The following STAR variants were observed in gnomAD, a reference collection of about 807,000 sequenced individuals.
The protein encoded by STAR is steroidogenic acute regulatory protein, mitochondrial.
In STAR, 32 loss-of-function variants were observed where a neutral mutation model predicts 32.3. That is an observed-to-expected ratio of 0.99 (90% CI 0.75 to 1.33). STAR has a LOEUF of 1.33. Ranked by LOEUF, STAR falls within the 40% of genes most tolerant of loss-of-function variation. The probability of loss-of-function intolerance (pLI) is 0.00; values close to 1 mark genes in which losing one functional copy is unlikely to be tolerated. For synonymous variants in STAR, 134 were observed against 140.5 expected (o/e 0.95, Z 0.33); for missense variants, 375 against 379.0 (o/e 0.99, Z 0.09).
chr8:38,145,069 G>A (rs2130612282), intron 6 of STAR, 153 bp downstream of exon 6: 1 of 1,504,710 alleles, frequency 6.6e-7, no homozygotes, highest in Admixed American at 2.0e-5. Context: ...TGGTAGAGTA[G>A]CAGTTAGGCC....
At position 38,148,248 on chromosome 8, in the gene STAR, G is replaced by A. The variant is rs2130616749; in HGVS notation, c.258C>T (p.Ala86=). The A allele has an allele frequency of 1.2e-6, 2 of 1,614,084 alleles. No individual in the cohort carries two copies. Among genetic ancestry groups the A allele is most frequent in the Non-Finnish European group, 8.5e-7 (1 of 1,180,002 alleles). The change falls in exon 3 of 7, where the codon GCC becomes GCT. Residue 86 remains alanine, a synonymous_variant. Transcript: ENST00000276449. ...CCTCTTGGTTGCTAAGGATGCCCAAGGCCTTCTGCATGGCCTCCTCCCCCT... is the reference window on the plus strand; with the variant it reads ...CCTCTTGGTTGCTAAGGATGCCCAAAGCCTTCTGCATGGCCTCCTCCCCCT... ...LQQGEEAMQK[A]LGILSNQEGW... is the part of the protein sequence containing the mutation.
chr8:38,145,291 C>T lies in STAR; in HGVS notation c.675G>A (p.Met225Ile). 6.2e-7 allele frequency: 1 copy of T among 1,614,150 alleles called. No individual in the cohort carries two copies. Among genetic ancestry groups the T allele is most frequent in the Non-Finnish European group, 8.5e-7 (1 of 1,180,032 alleles). The change falls in exon 6 of 7, where the codon ATG (methionine) becomes ATA (isoleucine). Residue 225 changes from methionine to isoleucine, a missense_variant. Transcript: ENST00000276449. ...VIRAEHGPTC[M>I]VLHPLAGSPS... ...GACTTCCAGCCAACGGGTGAAGCAC[C>T]ATGCAAGTGGGACCGTGCTCCGCCC...
chr8:38,150,725 C>T (rs1281212568), intron 1 of STAR, 30 bp downstream of exon 1: 1 of 1,604,548 alleles, frequency 6.2e-7, no homozygotes, highest in African/African-American at 1.3e-5. Flanking sequence ...GCTGGCCAAC[C>T]CCTCATCGCC....
At position 38,145,251 on chromosome 8, in the gene STAR, GT is replaced by G. The variant is rs1417088430; in HGVS notation, c.714del (p.Lys238AsnfsTer83). 1.2e-6 allele frequency: 2 copies of G among 1,614,180 alleles called. No individual in the cohort carries two copies. Among genetic ancestry groups the G allele is most frequent in the East Asian group, 4.5e-5 (2 of 44,874 alleles). ...HPLAGSPSKT[K>X]LTWLLSIDLK... is the part of the protein sequence containing the mutation. The stretch of plus-strand genomic sequence containing the variant: ...AGGTCGATGCTGAGTAGCCACGTAA[GT>G]TTGGTCTTAGAGGGACTTCCAGCCA... On this transcript the variant is annotated frameshift_variant, in exon 6 of 7. Coordinates refer to ENST00000276449, the MANE Select transcript of STAR (RefSeq NM_000349.3). LOFTEE classifies it high-confidence loss of function.
Position 38,142,723 on chromosome 8 carries a change from T to TCTACTAAAAATACAAAATGAGAAACC in STAR, c.*1549_*1550insGGTTTCTCATTTTGTATTTTTAGTAG, listed in dbSNP as rs1291276330. ...TTGTATTTTTAGTAGAGATGGGGTTTCTCCATGTTAGTCAGGCTGGTCTCC... is the reference window on the plus strand; with the variant it reads ...TTGTATTTTTAGTAGAGATGGGGTTTCTACTAAAAATACAAAATGAGAAACCCTCCATGTTAGTCAGGCTGGTCTCC... On this transcript the variant is annotated 3_prime_UTR_variant, in exon 7 of 7. Coordinates refer to ENST00000276449, the MANE Select transcript of STAR (RefSeq NM_000349.3). Among the ~76,000 whole-genome samples the TCTACTAAAAATACAAAATGAGAAACC allele has an allele frequency of 8.6e-5, 13 of 151,936 alleles. No homozygotes were observed. The East Asian group carries it at 2.5e-3, about 29-fold the overall frequency.
intron 3 of STAR, 73 bp downstream of exon 3, chr8:38,148,127 A>C (rs1453945417): frequency 1.9e-6 from 3 of 1,605,110 alleles, no homozygotes; most frequent in Non-Finnish European, 2.6e-6. Flanking sequence ...TTCTGGGAAA[A>C]ATAGTAACCC....
chr8:38,149,092 A>T (rs1229408322), intron 1 of STAR: 1 of 354,350 alleles, frequency 2.8e-6, no homozygotes, highest in Non-Finnish European at 5.5e-6. Context: ...AGGAGAATAC[A>T]ACTCCTGAGG....
rs773617644 is a variant in STAR, at chr8:38,145,262, G to C, written c.704C>G (p.Ser235Cys). Residue 235 changes from serine to cysteine, a missense_variant, in exon 6 of 7, where the codon TCT becomes TGT. Coordinates refer to ENST00000276449, the MANE Select transcript of STAR (RefSeq NM_000349.3). ...GAGTAGCCACGTAAGTTTGGTCTTA[G>C]AGGGACTTCCAGCCAACGGGTGAAG... Reference protein sequence around the residue: ...MVLHPLAGSPSKTKLTWLLSI... With the variant: ...MVLHPLAGSPCKTKLTWLLSI... The C allele has an allele frequency of 2.5e-6, 4 of 1,614,066 alleles. No homozygotes were observed. In the African/African-American group the frequency reaches 4.0e-5, roughly 16 times the overall value.
rs558498679 is a variant in STAR, at chr8:38,143,455, C to T, written c.*818G>A. 6.1e-4 allele frequency among the ~76,000 whole-genome samples: 93 copies of T among 152,048 alleles called. No individual in the cohort carries two copies. Among genetic ancestry groups the T allele is most frequent in the Non-Finnish European group, 8.1e-4 (55 of 68,028 alleles). Reference sequence around the variant, plus strand: ...CCAAGTAGCTACGACTACAGGTTTGCGCCACCACACCCAGCTAATTTTTTG... The same window carrying T: ...CCAAGTAGCTACGACTACAGGTTTGTGCCACCACACCCAGCTAATTTTTTG... On this transcript the variant is annotated 3_prime_UTR_variant, in exon 7 of 7. Coordinates refer to ENST00000276449, the MANE Select transcript of STAR (RefSeq NM_000349.3).
chr8:38,150,582 A>G (rs534036906), intron 1 of STAR, among the ~76,000 whole-genome samples, 173 bp downstream of exon 1: 1 of 152,284 alleles, frequency 6.6e-6, no homozygotes, highest in South Asian at 2.1e-4. Context: ...TGGAAGGGAT[A>G]TATCTTAGTA....
intron 1 of STAR, 44 bp downstream of exon 1, chr8:38,150,711 G>C: frequency 6.2e-7 from 1 of 1,603,432 alleles, no homozygotes; most frequent in Non-Finnish European, 8.5e-7. Flanking sequence ...CTCATCCGCT[G>C]AGAGCTGGCC....
At chr8:38,145,023 AAAAAAAG>A in intron 6 of STAR, 192 bp downstream of exon 6, 2 of 1,405,064 alleles carry the variant, frequency 1.4e-6, no homozygotes, top group Non-Finnish European at 1.8e-6. Context: ...AAAAAAAAAA[AAAAAAAG>A]AAGAGGGGGC....
At position 38,146,133 on chromosome 8, in the gene STAR, G is replaced by A. The variant is rs144998270; in HGVS notation, c.480C>T (p.Ile160=). Residue 160 remains isoleucine (I), a synonymous_variant, in exon 5 of 7, where the codon ATC becomes ATT. Coordinates refer to ENST00000276449, the MANE Select transcript of STAR (RefSeq NM_000349.3). ...CGTGAGTAATGAATGTATCTTTTCC[G>A]ATCTTCTGCAGGACCTACCAGGCCA... ...NVKEIKVLQK[I]GKDTFITHEL... is the part of the protein sequence containing the mutation. 6.2e-6 allele frequency: 10 copies of A among 1,613,928 alleles called. No individual in the cohort carries two copies. Among genetic ancestry groups the A allele is most frequent in the African/African-American group, 4.0e-5 (3 of 75,020 alleles).
Position 38,143,936 on chromosome 8 carries a change from C to T in STAR, c.*337G>A, listed in dbSNP as rs756953587. ...TCTCAGGCCCTGTGGTTAGCATCCCCCACACCCATATCAGCCACTAGCATT... is the reference window on the plus strand; with the variant it reads ...TCTCAGGCCCTGTGGTTAGCATCCCTCACACCCATATCAGCCACTAGCATT... On this transcript the variant is annotated 3_prime_UTR_variant, in exon 7 of 7. Coordinates refer to ENST00000276449, the MANE Select transcript of STAR (RefSeq NM_000349.3). 4.5e-5 allele frequency: 16 copies of T among 356,556 alleles called. No homozygotes were observed. Among genetic ancestry groups the T allele is most frequent in the Non-Finnish European group, 7.1e-5 (13 of 181,904 alleles). 22.1% of individuals were successfully genotyped at this position (356,556 alleles called of 1,614,324 possible).
At chr8:38,148,461 G>C (rs767988761) in intron 2 of STAR, 134 bp from the exon 3 acceptor site, 160 of 1,477,270 alleles carry the variant, frequency 1.1e-4, no homozygotes, top group Non-Finnish European at 1.4e-4. Flanking sequence ...CCTGCTGGTC[G>C]AGTTAATCAC....
chr8:38,148,204 T>C lies in STAR; in HGVS notation c.302A>G (p.Gln101Arg). 6.2e-7 allele frequency: 1 copy of C among 1,614,082 alleles called. No individual in the cohort carries two copies. Among genetic ancestry groups the C allele is most frequent in the East Asian group, 2.2e-5 (1 of 44,870 alleles). Residue 101 changes from glutamine to arginine, a missense_variant, in exon 3 of 7, where the codon CAG (glutamine) becomes CGG (arginine). Physicochemically the swap from Gln to Arg is conservative, Grantham distance 43. Coordinates refer to ENST00000276449, the MANE Select transcript of STAR (RefSeq NM_000349.3). ...AGGCTTCTCCCCGACACTTACCTGC[T>C]GACTCTCCTTCTTCCAGCCCTCTTG... ...SNQEGWKKES[Q>R]QDNGDKVMSK... is the part of the protein sequence containing the mutation.
intron 5 of STAR, chr8:38,145,735 G>A (rs1391599939): frequency 1.6e-6 from 1 of 618,930 alleles, no homozygotes; most frequent in Non-Finnish European, 2.8e-6. Flanking sequence ...AAATTATTAA[G>A]GTTCTTAAAC....
At chr8:38,146,476 G>A (rs764387488) in intron 3 of STAR, 29 bp from the exon 4 acceptor site, 50 of 1,611,742 alleles carry the variant, frequency 3.1e-5, no homozygotes, top group Non-Finnish European at 4.2e-5. Context: ...CCCAGAAGGT[G>A]GTTAGACAAA....
chr8:38,145,365 G>A (rs1048059601), intron 5 of STAR, 50 bp from the exon 6 acceptor site: 2 of 1,612,586 alleles, frequency 1.2e-6, no homozygotes, highest in Non-Finnish European at 1.7e-6. Context: ...GTTCTCTCTT[G>A]CACTGGCTGC....
Sources: allele counts gnomAD v4.1 joint callset (sites outside exome capture counted in the v4.1 genomes callset), GRCh38; gene constraint gnomAD v4.1.1; transcripts MANE v1.5; gene names NCBI Gene and HGNC (gene_info 2026-07-23, HGNC 2026-07-21).